The following PSMA2 variants were observed in gnomAD, a reference collection of about 807,000 sequenced individuals.
PSMA2 encodes proteasome 20S subunit alpha 2, also known as proteasome subunit alpha type-2.
PSMA2 carries 2 observed loss-of-function variants against 35.9 expected under a neutral mutation model. That is an observed-to-expected ratio of 0.06 (90% CI 0.02 to 0.18). The LOEUF (loss-of-function observed/expected upper bound fraction) is 0.18. PSMA2 is among the 10% of genes least tolerant of loss of function. PSMA2 has a pLI of 1.00. For synonymous variants in PSMA2, 97 were observed against 98.2 expected (o/e 0.99, Z 0.07); for missense variants, 126 against 278.8 (o/e 0.45, Z 3.90).
chr7:42,919,202 T>A lies in PSMA2; in HGVS notation c.531-1367A>T, dbSNP rs959365802. On this transcript the variant is annotated intron_variant, in intron 6 of 7. Coordinates refer to ENST00000223321, the MANE Select transcript of PSMA2 (RefSeq NM_002787.5). ...TGCCAGGGAGATACAGGAGACTGGA[T>A]TGGAACAATTTTGGGTCATAAAGAT... 36 of 603,638 alleles carry A rather than the reference T, an allele frequency of 6.0e-5. 2 individuals are homozygous for A. The highest frequency in any genetic ancestry group is 3.4e-4 in the South Asian group (23 of 68,116). 37.4% of individuals were successfully genotyped at this position (603,638 alleles called of 1,614,324 possible). A position where few individuals can be genotyped will look rare whatever the true frequency, so the allele number is the denominator to read the frequency against.
At chr7:42,919,734 T>C in intron 6 of PSMA2, 1 of 607,118 alleles carries the variant, frequency 1.6e-6, no homozygotes, top group Non-Finnish European at 3.1e-6. Context: ...ACTCTGAATC[T>C]CTTCACCTTG....
At chr7:42,930,206 A>AACACACAC (rs58987065) in intron 1 of PSMA2, among the ~76,000 whole-genome samples, 1 of 149,214 alleles carries the variant, frequency 6.7e-6, no homozygotes, top group African/African-American at 2.5e-5. Context: ...ACCATGTTAA[A>AACACACAC]ACACACACAC....
In PSMA2 at chr7:42,917,322, C is replaced by G. The variant is rs1051360702; in HGVS notation, c.*252G>C. Reference sequence around the variant, plus strand: ...ACAACGAAAAAGTCATTTCATCATTCTGCTTGGCAATGTAGTCTTCAGAAA... The same window carrying G: ...ACAACGAAAAAGTCATTTCATCATTGTGCTTGGCAATGTAGTCTTCAGAAA... On this transcript the variant is annotated 3_prime_UTR_variant, in exon 8 of 8. Coordinates refer to ENST00000223321, the MANE Select transcript of PSMA2 (RefSeq NM_002787.5). The G allele has an allele frequency of 7.1e-4, 221 of 311,484 alleles. 1 individual carries two copies. Among genetic ancestry groups the G allele is most frequent in the African/African-American group, 4.4e-3 (201 of 46,090 alleles). The allele number at this position is 311,484 out of a possible 1,614,324, so 19.3% of individuals were successfully genotyped here.
chr7:42,925,462 C>G (rs934349107), intron 3 of PSMA2, among the ~76,000 whole-genome samples: 1 of 152,176 alleles, frequency 6.6e-6, no homozygotes, highest in East Asian at 1.9e-4. Flanking sequence ...CCTCTTTTCT[C>G]TGTTTAATGG....
rs1476366588 is a variant in PSMA2 at position 42,917,552 on chromosome 7, G to C, written c.*22C>G. ...AAGTAGATAGATTATCTGAAATTCT[G>C]GATTTTTCAGTCACTTCATTGTTAT... On this transcript the variant is annotated 3_prime_UTR_variant, in exon 8 of 8. Coordinates refer to ENST00000223321, the MANE Select transcript of PSMA2 (RefSeq NM_002787.5). 2 of 1,554,746 alleles carry C rather than the reference G, an allele frequency of 1.3e-6. No homozygotes were observed. The highest frequency in any genetic ancestry group is 3.4e-5 in the Admixed American group (2 of 59,248).
intron 6 of PSMA2, chr7:42,919,315 G>A: frequency 1.7e-6 from 1 of 593,438 alleles, no homozygotes; most frequent in Non-Finnish European, 3.3e-6. Flanking sequence ...GCTATCCCAG[G>A]AGATGAACTG....
intron 1 of PSMA2, chr7:42,931,278 T>G: frequency 3.0e-6 from 1 of 333,746 alleles, no homozygotes; most frequent in South Asian, 2.3e-5. Context: ...ACATTTTAAG[T>G]AAACTGGGCA....
In PSMA2 at chr7:42,917,454, AAC is replaced by A. The variant is rs776098125; in HGVS notation, c.*118_*119del. 11 of 743,654 alleles carry A rather than the reference AAC, an allele frequency of 1.5e-5. No homozygotes were observed. In the East Asian group the frequency reaches 1.6e-4, roughly 11 times the overall value. The allele number at this position is 743,654 out of a possible 1,614,324, so 46.1% of individuals were successfully genotyped here. A position where few individuals can be genotyped will look rare whatever the true frequency, so the allele number is the denominator to read the frequency against. ...TAGGATTTATAAGTGTCATTTTAAAAACAGTCGATTTAAACCATGTAGAAATA... is the reference window on the plus strand; with the variant it reads ...TAGGATTTATAAGTGTCATTTTAAAAAGTCGATTTAAACCATGTAGAAATA... On this transcript the variant is annotated 3_prime_UTR_variant, in exon 8 of 8. Transcript: ENST00000223321.
chr7:42,918,427 C>A (rs943953532), intron 6 of PSMA2: 4 of 152,184 alleles, frequency 2.6e-5, no homozygotes, highest in Non-Finnish European at 4.4e-5. Flanking sequence ...TTGCTAAAAT[C>A]TTTTTCTTAT....
intron 1 of PSMA2, among the ~76,000 whole-genome samples, chr7:42,930,466 A>G (rs1313476753): frequency 6.6e-6 from 1 of 151,714 alleles, no homozygotes; most frequent in Non-Finnish European, 1.5e-5. Flanking sequence ...TGCCCAGGCT[A>G]GTCTTGAACT....
intron 1 of PSMA2, among the ~76,000 whole-genome samples, chr7:42,927,677 G>A (rs569038707): frequency 3.3e-5 from 5 of 152,264 alleles, no homozygotes; most frequent in East Asian, 1.9e-4. Context: ...AGGCCAAGAC[G>A]GGTGGATCAC....
At chr7:42,932,063 G>A (rs750436105) in intron 1 of PSMA2, 55 bp downstream of exon 1, 26 of 1,608,316 alleles carry the variant, frequency 1.6e-5, no homozygotes, top group Non-Finnish European at 2.2e-5. Flanking sequence ...AAACTAAATC[G>A]ACAGAGTACC....
intron 4 of PSMA2, among the ~76,000 whole-genome samples, 181 bp downstream of exon 4, chr7:42,924,494 A>AT (rs991977492): frequency 1.3e-5 from 2 of 152,200 alleles, no homozygotes; most frequent in African/African-American, 2.4e-5. Flanking sequence ...AAGAAAACAC[A>AT]TTTTTTTCCT....
chr7:42,919,467 C>G (rs1386948050), intron 6 of PSMA2: 1 of 530,902 alleles, frequency 1.9e-6, no homozygotes, highest in Non-Finnish European at 3.7e-6. Context: ...AATTAGTGAT[C>G]ACAGCTCTGA....
chr7:42,917,714 G>C (rs1265266812), intron 7 of PSMA2, 24 bp from the exon 8 acceptor site: 3 of 1,610,694 alleles, frequency 1.9e-6, no homozygotes, highest in Non-Finnish European at 2.5e-6. Flanking sequence ...AGGAAAAAAG[G>C]TCAATTTTCT....
intron 6 of PSMA2, chr7:42,920,555 T>C (rs1463961665): frequency 1.1e-4 from 16 of 152,244 alleles, no homozygotes; most frequent in African/African-American, 3.9e-4. Context: ...GTTCTGAACA[T>C]CTAATTATTT....
chr7:42,923,546 C>G (rs1400522220), intron 4 of PSMA2, 140 bp from the exon 5 acceptor site: 7 of 646,144 alleles, frequency 1.1e-5, no homozygotes, highest in Admixed American at 5.7e-5. Context: ...GTATTTAACA[C>G]CTTTCTGAAT....
Position 42,924,710 on chromosome 7 carries a change from T to C in PSMA2, c.339A>G (p.Arg113=). 2 of 1,613,182 alleles carry C rather than the reference T, an allele frequency of 1.2e-6. No homozygotes were observed. Among genetic ancestry groups the C allele is most frequent in the Admixed American group, 3.3e-5 (2 of 60,002 alleles). The change falls in exon 4 of 8, where the codon AGA becomes AGG. Residue 113 remains arginine (R), a synonymous_variant. Coordinates refer to ENST00000223321, the MANE Select transcript of PSMA2 (RefSeq NM_002787.5). Reference sequence around the variant, plus strand: ...TATATTCTTGCATCACAGAAGCTACTCTCTGTACCAGCTGAGCTGTAGGAA... The same window carrying C: ...TATATTCTTGCATCACAGAAGCTACCCTCTGTACCAGCTGAGCTGTAGGAA... ...EPIPTAQLVQ[R]VASVMQEYTQ...
At chr7:42,920,134 C>T (rs1294018540) in intron 6 of PSMA2, 3 of 408,980 alleles carry the variant, frequency 7.3e-6, no homozygotes, top group Non-Finnish European at 1.4e-5. Context: ...TGGACTAGAA[C>T]GAGCAAGCAG....
Sources: gnomAD v4.1 joint callset for allele counts (sites outside exome capture counted in the v4.1 genomes callset) on GRCh38, gnomAD v4.1.1 for gene constraint, MANE v1.5 for transcripts, NCBI Gene and HGNC (gene_info 2026-07-23, HGNC 2026-07-21) for gene names.